Variants in SRP19 observed in about 807,000 individuals in gnomAD.
The protein encoded by SRP19 is signal recognition particle 19.
In SRP19, 11 loss-of-function variants were observed where a neutral mutation model predicts 22.4. That is an observed-to-expected ratio of 0.49 (90% CI 0.31 to 0.81). SRP19 has a LOEUF of 0.81. Ranked by LOEUF, SRP19 falls within the 40% of genes least tolerant of loss-of-function variation. The pLI, the probability that SRP19 is intolerant of heterozygous loss-of-function variation, is 0.05. For missense variants in SRP19, 168 were observed against 175.9 expected, an observed-to-expected ratio of 0.96 and a Z score of 0.25; for synonymous variants, 61 against 57.6, an observed-to-expected ratio of 1.06 and a Z score of -0.27.
intron 4 of SRP19, among the ~76,000 whole-genome samples, chr5:112,884,127 A>C (rs1768159312): frequency 6.6e-6 from 1 of 152,186 alleles, no homozygotes; most frequent in Non-Finnish European, 1.5e-5. Context: ...TCTTATTAAA[A>C]CACAGGACAG....
At chr5:112,878,517 C>T (rs1334467694) in intron 4 of SRP19, 3 of 441,452 alleles carry the variant, frequency 6.8e-6, no homozygotes, top group East Asian at 7.1e-5. Flanking sequence ...ATATTTCCTG[C>T]AGGATAGCAA....
At chr5:112,873,271 C>CTTT (rs35379154), downstream of SRP19, among the ~76,000 whole-genome samples, 973 of 50,758 alleles carry the variant, frequency 0.019, 47 homozygotes, top group East Asian at 0.11. Flanking sequence ...CTCAGGTTTT[C>CTTT]TTTTTTTTTT....
chr5:112,881,375 A>G (rs1411257919), intron 4 of SRP19, among the ~76,000 whole-genome samples: 1 of 152,092 alleles, frequency 6.6e-6, no homozygotes, highest in African/African-American at 2.4e-5. Flanking sequence ...TCCCATGTCT[A>G]ACTACCACAG....
At chr5:112,886,415 C>T (rs1171860775) in intron 4 of SRP19, among the ~76,000 whole-genome samples, 2 of 152,186 alleles carry the variant, frequency 1.3e-5, no homozygotes, top group African/African-American at 4.8e-5. Flanking sequence ...ACATGGAATT[C>T]ATGAATGGCT....
intron 4 of SRP19, among the ~76,000 whole-genome samples, chr5:112,890,446 A>G (rs953613555): frequency 2.0e-5 from 3 of 150,256 alleles, no homozygotes; most frequent in African/African-American, 5.0e-5. Context: ...ACAAAACACT[A>G]TAGCCTCAAC....
rs752747818 is a variant in SRP19, at chr5:112,892,927, A to G, written c.*1320A>G. ...GAGGCACAATTCACCAAGCAGAGGAAGAAATAGGCACCGCAGCTGGGACCA... is the reference window on the plus strand; with the variant it reads ...GAGGCACAATTCACCAAGCAGAGGAGGAAATAGGCACCGCAGCTGGGACCA... On this transcript the variant is annotated 3_prime_UTR_variant, in exon 5 of 5. Transcript: ENST00000391338. The G allele has an allele frequency of 3.1e-6, 5 of 1,604,520 alleles. No individual in the cohort carries two copies. In the African/African-American group the frequency reaches 5.4e-5, roughly 17 times the overall value.
At chr5:112,891,710 A>G in exon 5 of SRP19, 1 of 1,614,146 alleles carries the variant, frequency 6.2e-7, no homozygotes, top group Non-Finnish European at 8.5e-7. Flanking sequence ...CACAAAAAGT[A>G]CAGGGCCGCC....
chr5:112,878,879 T>TC, intron 4 of SRP19: 1 of 1,613,552 alleles, frequency 6.2e-7, no homozygotes, highest in Non-Finnish European at 8.5e-7. Flanking sequence ...TCAAAGCTCT[T>TC]TCTTTGGAAT....
rs1370680329 is a variant in SRP19, at chr5:112,869,327, G to C, written c.*1790G>C. The C allele has an allele frequency of 6.6e-6, 1 of 152,190 alleles. No individual in the cohort carries two copies. Among genetic ancestry groups the C allele is most frequent in the East Asian group, 1.9e-4 (1 of 5,192 alleles). 9.4% of individuals were successfully genotyped at this position (152,190 alleles called of 1,614,324 possible). On this transcript the variant is annotated 3_prime_UTR_variant, in exon 5 of 5. Coordinates refer to ENST00000505459, the MANE Select transcript of SRP19 (RefSeq NM_003135.3). ...CTGTGCCAGCCACTTCTGGCAAGCA[G>C]TTCTCCCACCTTAGCCTCCCAAGTA...
At chr5:112,888,066 G>A (rs1768314621) in intron 4 of SRP19, among the ~76,000 whole-genome samples, 1 of 152,102 alleles carries the variant, frequency 6.6e-6, no homozygotes, top group South Asian at 2.1e-4. Flanking sequence ...CACAGCCTAG[G>A]TGACTCTACA....
intron 1 of SRP19, among the ~76,000 whole-genome samples, chr5:112,862,154 A>G (rs1324315311): frequency 6.6e-6 from 1 of 152,196 alleles, no homozygotes; most frequent in Non-Finnish European, 1.5e-5. Context: ...AGTACACTCC[A>G]CAGGGTGGGA....
At chr5:112,876,271 TAG>T (rs1767893300) in intron 4 of SRP19, 1 of 152,206 alleles carries the variant, frequency 6.6e-6, no homozygotes, top group Non-Finnish European at 1.5e-5. Flanking sequence ...ATGTGAGGAA[TAG>T]AGTTAATAAA....
chr5:112,864,277 C>T (rs351769), intron 2 of SRP19, among the ~76,000 whole-genome samples, 180 bp from the exon 3 acceptor site: 90,412 of 151,994 alleles, frequency 0.59, 28,257 homozygotes, highest in East Asian at 0.82. Flanking sequence ...CACACAGTTA[C>T]GCATTAGTGT....
chr5:112,861,386 G>A lies in SRP19; in HGVS notation c.10G>A (p.Ala4Thr), dbSNP rs17855423. 6.2e-7 allele frequency: 1 copy of A among 1,614,144 alleles called. No homozygotes were observed. Among genetic ancestry groups the A allele is most frequent in the African/African-American group, 1.3e-5 (1 of 75,062 alleles). Residue 4 changes from alanine (A) to threonine (T), a missense_variant, in exon 1 of 5, where the codon GCT becomes ACT. Ala to Thr is a moderately conservative substitution (Grantham distance 58, BLOSUM62 0). Transcript: ENST00000505459. ...TGAGACTCTTGTGAAGATGGCTTGCGCTGCCGCGCGGTCCCCGGCCGACCA... is the reference window on the plus strand; with the variant it reads ...TGAGACTCTTGTGAAGATGGCTTGCACTGCCGCGCGGTCCCCGGCCGACCA... MACAAARSPADQDR... is the reference protein window; with the variant it reads MACTAARSPADQDR...
intron 4 of SRP19, chr5:112,882,162 C>T (rs1462684525): frequency 1.3e-5 from 2 of 152,974 alleles, no homozygotes; most frequent in Non-Finnish European, 2.9e-5. Flanking sequence ...TTCCTCCCCT[C>T]CAATAACCCT....
At chr5:112,877,753 A>C (rs1268248173) in intron 4 of SRP19, 2 of 152,198 alleles carry the variant, frequency 1.3e-5, no homozygotes, top group Admixed American at 1.3e-4. Flanking sequence ...TAATGATACA[A>C]ACAAGAACAT....
chr5:112,888,965 A>G (rs937059418), intron 4 of SRP19, among the ~76,000 whole-genome samples: 1 of 150,850 alleles, frequency 6.6e-6, no homozygotes, highest in African/African-American at 2.5e-5. Flanking sequence ...ATGGTAGTGA[A>G]TAAGTCTCAC....
chr5:112,877,981 CTGT>C (rs1767948361), intron 4 of SRP19: 1 of 147,530 alleles, frequency 6.8e-6, no homozygotes, highest in Non-Finnish European at 1.5e-5. Flanking sequence ...ACAGGTTACT[CTGT>C]GTGTGTGTGT....
chr5:112,865,099 T>G (rs1241894977), intron 4 of SRP19: 1 of 158,990 alleles, frequency 6.3e-6, no homozygotes, highest in African/African-American at 2.4e-5. Context: ...TATCTAATGA[T>G]TCTATCATTA....
Sources: gnomAD v4.1 joint callset for allele counts (sites outside exome capture counted in the v4.1 genomes callset) on GRCh38, gnomAD v4.1.1 for gene constraint, MANE v1.5 for transcripts, NCBI Gene and HGNC (gene_info 2026-07-23, HGNC 2026-07-21) for gene names.